Variants in ADCY8 observed in about 807,000 individuals in gnomAD.
ADCY8 encodes the protein adenylate cyclase 8, also known as adenylate cyclase type 8.
ADCY8 carries 51 observed loss-of-function variants against 119.7 expected under a neutral mutation model. The ratio of observed to expected loss-of-function variants is 0.43; its 90% CI spans 0.34 to 0.54. ADCY8 has a LOEUF of 0.54. Among genes scored for constraint, ADCY8 ranks in the 20% least tolerant of loss-of-function variants. The pLI, the probability that ADCY8 is intolerant of heterozygous loss-of-function variation, is 0.03. For synonymous variants in ADCY8, 665 were observed against 651.0 expected, an observed-to-expected ratio of 1.02 and a Z score of -0.33; for missense variants, 1,383 against 1,598.8, an observed-to-expected ratio of 0.87 and a Z score of 2.30.
intron 5 of ADCY8, among the ~76,000 whole-genome samples, chr8:130,911,363 G>T (rs1819974613): frequency 6.6e-6 from 1 of 152,092 alleles, no homozygotes; most frequent in South Asian, 2.1e-4. Context: ...GATGAGGTCA[G>T]AACCCATTTA....
In ADCY8 at chr8:130,884,483, C is replaced by G; in HGVS notation, c.2109+81G>C. 8 of 1,459,256 alleles carry G rather than the reference C, an allele frequency of 5.5e-6. No individual in the cohort carries two copies. In the South Asian group the frequency reaches 5.7e-5, roughly 10 times the overall value. 90.4% of individuals were successfully genotyped at this position (1,459,256 alleles called of 1,614,324 possible). On this transcript the variant is annotated intron_variant, in intron 8 of 17. Coordinates refer to ENST00000286355, the MANE Select transcript of ADCY8 (RefSeq NM_001115.3). Reference sequence around the variant, plus strand: ...ACAAACAAAGAAACCAAAACCACAGCCCCTGGGCTCTCTCTCTAGTCCCAT... The same window carrying G: ...ACAAACAAAGAAACCAAAACCACAGGCCCTGGGCTCTCTCTCTAGTCCCAT...
chr8:130,820,591 A>G, intron 13 of ADCY8, among the ~76,000 whole-genome samples: 1 of 152,184 alleles, frequency 6.6e-6, no homozygotes, highest in East Asian at 1.9e-4. Context: ...TTCTTTCTCG[A>G]AGTCCCTAGC....
chr8:130,924,222 C>T (rs563880212), intron 5 of ADCY8, among the ~76,000 whole-genome samples: 1 of 152,284 alleles, frequency 6.6e-6, no homozygotes, highest in South Asian at 2.1e-4. Context: ...GCTTGTATGG[C>T]AGAGGCACCT....
At chr8:130,836,508 C>A in intron 11 of ADCY8, 59 bp from the exon 12 acceptor site, 2 of 1,558,222 alleles carry the variant, frequency 1.3e-6, no homozygotes, top group South Asian at 2.4e-5. Context: ...CCTCTCCTAG[C>A]CATGGATGCT....
chr8:131,026,020 CTG>C, intron 1 of ADCY8, among the ~76,000 whole-genome samples: 1 of 152,230 alleles, frequency 6.6e-6, no homozygotes, highest in Non-Finnish European at 1.5e-5. Flanking sequence ...ATGCAGCACA[CTG>C]TGGTACTCCA....
chr8:130,985,406 A>G (rs1822373439), intron 2 of ADCY8, among the ~76,000 whole-genome samples: 1 of 152,198 alleles, frequency 6.6e-6, no homozygotes, highest in Non-Finnish European at 1.5e-5. Context: ...TGTAAGAAAC[A>G]GTGAATATTT....
chr8:130,965,002 C>A (rs1298626725), intron 2 of ADCY8, among the ~76,000 whole-genome samples: 1 of 152,006 alleles, frequency 6.6e-6, no homozygotes, highest in East Asian at 1.9e-4. Context: ...ATGTCCTTTG[C>A]CCACTTTTTA....
chr8:130,808,731 G>T (rs1288192079), intron 14 of ADCY8, among the ~76,000 whole-genome samples: 2 of 152,176 alleles, frequency 1.3e-5, no homozygotes, highest in Non-Finnish European at 2.9e-5. Flanking sequence ...CCCCAATTCA[G>T]CAAGGTCGGT....
At chr8:130,781,885 T>A (rs1258866328) in intron 17 of ADCY8, among the ~76,000 whole-genome samples, 1 of 152,194 alleles carries the variant, frequency 6.6e-6, no homozygotes, top group Admixed American at 6.5e-5. Context: ...ACTAGGCACT[T>A]GCTATGAGCC....
chr8:130,999,077 T>A (rs1448960312), intron 1 of ADCY8, among the ~76,000 whole-genome samples: 1 of 152,170 alleles, frequency 6.6e-6, no homozygotes, highest in Non-Finnish European at 1.5e-5. Flanking sequence ...TCCATCAACC[T>A]TACTCAATCT....
intron 5 of ADCY8, among the ~76,000 whole-genome samples, chr8:130,916,960 TCC>T (rs768880870): frequency 6.6e-6 from 1 of 152,200 alleles, no homozygotes; most frequent in Non-Finnish European, 1.5e-5. Context: ...GGTTAAGGTC[TCC>T]CCGACCGAGC....
At chr8:130,907,442 A>C (rs1819824828) in intron 6 of ADCY8, among the ~76,000 whole-genome samples, 1 of 152,234 alleles carries the variant, frequency 6.6e-6, no homozygotes, top group Admixed American at 6.5e-5. Flanking sequence ...GCACATTGAC[A>C]ACATGCCATG....
intron 1 of ADCY8, among the ~76,000 whole-genome samples, chr8:130,993,624 G>T (rs7824021): frequency 0.1 from 15,909 of 152,076 alleles, 2,694 homozygotes; most frequent in African/African-American, 0.35. Flanking sequence ...AAGTCTTAAG[G>T]TATCTGATGG....
intron 15 of ADCY8, among the ~76,000 whole-genome samples, chr8:130,787,850 A>G (rs529423065): frequency 1.3e-5 from 2 of 151,674 alleles, no homozygotes; most frequent in Admixed American, 6.6e-5. Context: ...ATTTGTGTGT[A>G]GTCATGCACA....
intron 1 of ADCY8, among the ~76,000 whole-genome samples, chr8:131,011,174 G>GA (rs5742177): frequency 6.2e-4 from 91 of 146,676 alleles, no homozygotes; most frequent in South Asian, 8.6e-4. Flanking sequence ...TTTATTGAAT[G>GA]AAAAAAAAAA....
chr8:130,829,986 C>T (rs2130238430), intron 12 of ADCY8, among the ~76,000 whole-genome samples: 1 of 152,298 alleles, frequency 6.6e-6, no homozygotes, highest in South Asian at 2.1e-4. Flanking sequence ...GGAGCCCTAG[C>T]TGCTGTTCTT....
At chr8:130,980,678 G>A (rs968400169) in intron 2 of ADCY8, among the ~76,000 whole-genome samples, 1 of 152,188 alleles carries the variant, frequency 6.6e-6, no homozygotes, top group African/African-American at 2.4e-5. Context: ...ATCAATACTT[G>A]TTGAGCAAAT....
chr8:130,870,098 C>G (rs765712554), intron 8 of ADCY8, among the ~76,000 whole-genome samples: 1 of 150,638 alleles, frequency 6.6e-6, no homozygotes, highest in Admixed American at 6.6e-5. Flanking sequence ...ACTGCAACCT[C>G]TGTCTCCTGG....
At chr8:130,851,705 T>C (rs1190546570) in intron 9 of ADCY8, among the ~76,000 whole-genome samples, 1 of 152,130 alleles carries the variant, frequency 6.6e-6, no homozygotes, top group African/African-American at 2.4e-5. Flanking sequence ...TGGAGGTATA[T>C]TAATCTGTGT....
Sources: allele counts gnomAD v4.1 joint callset (sites outside exome capture counted in the v4.1 genomes callset), GRCh38; gene constraint gnomAD v4.1.1; transcripts MANE v1.5; gene names NCBI Gene and HGNC (gene_info 2026-07-23, HGNC 2026-07-21).